REEP1: variants seen among roughly 807,000 people sequenced by gnomAD.
REEP1 encodes the protein receptor accessory protein 1, also known as receptor expression-enhancing protein 1.
A neutral mutation model predicts 40.3 loss-of-function variants in REEP1; 22 were observed. The ratio of observed to expected loss-of-function variants is 0.55; its 90% CI spans 0.39 to 0.78. REEP1 has a LOEUF of 0.78. Among genes scored for constraint, REEP1 ranks in the 30% least tolerant of loss-of-function variants. The probability of loss-of-function intolerance (pLI) is 0.00; values close to 1 mark genes in which losing one functional copy is unlikely to be tolerated. For missense variants in REEP1, 280 were observed against 361.1 expected, an observed-to-expected ratio of 0.78 and a Z score of 1.82; for synonymous variants, 116 against 139.2, an observed-to-expected ratio of 0.83 and a Z score of 1.17.
At chr2:86,218,344 A>G (rs1041520802) in intron 8 of REEP1, among the ~76,000 whole-genome samples, 2 of 152,176 alleles carry the variant, frequency 1.3e-5, no homozygotes, top group African/African-American at 2.4e-5. Flanking sequence ...GGGCAGGCCC[A>G]TGTCGCATTC....
chr2:86,328,106 C>T (rs1393165757), intron 1 of REEP1, among the ~76,000 whole-genome samples: 1 of 152,160 alleles, frequency 6.6e-6, no homozygotes, highest in Non-Finnish European at 1.5e-5. Context: ...CTGGATCCTG[C>T]AACTCCCTCA....
intron 5 of REEP1, chr2:86,251,296 A>T (rs891460974): frequency 6.5e-6 from 1 of 153,764 alleles, no homozygotes; most frequent in Non-Finnish European, 1.4e-5. Context: ...GAAGAAACAC[A>T]GTTTTGAAAA....
chr2:86,266,147 TG>T (rs1574055880), intron 2 of REEP1, among the ~76,000 whole-genome samples: 1 of 152,366 alleles, frequency 6.6e-6, no homozygotes, highest in East Asian at 1.9e-4. Context: ...CAATACGTTT[TG>T]AGTTAACTAG....
intron 5 of REEP1, chr2:86,251,474 G>C (rs148441389): frequency 5.1e-6 from 1 of 197,048 alleles, no homozygotes; most frequent in Non-Finnish European, 1.1e-5. Flanking sequence ...CCCTGGATCT[G>C]CTGGGCCACA....
At chr2:86,304,171 C>A (rs530225508) in intron 1 of REEP1, among the ~76,000 whole-genome samples, 1 of 152,290 alleles carries the variant, frequency 6.6e-6, no homozygotes, top group African/African-American at 2.4e-5. Context: ...AAGAGCCATT[C>A]GCACAGGTGC....
At chr2:86,257,988 AT>A (rs936267284) in intron 3 of REEP1, among the ~76,000 whole-genome samples, 3 of 152,118 alleles carry the variant, frequency 2.0e-5, no homozygotes, top group African/African-American at 7.2e-5. Flanking sequence ...ATGAATGGAT[AT>A]TTACGATGGT....
chr2:86,293,436 A>C (rs1678827096), intron 1 of REEP1, among the ~76,000 whole-genome samples: 1 of 152,222 alleles, frequency 6.6e-6, no homozygotes, highest in African/African-American at 2.4e-5. Context: ...GTGGGGTAGA[A>C]GAAGATGATG....
intron 2 of REEP1, among the ~76,000 whole-genome samples, 167 bp from the exon 3 acceptor site, chr2:86,264,208 C>T (rs1277338004): frequency 6.6e-6 from 1 of 152,190 alleles, no homozygotes; most frequent in African/African-American, 2.4e-5. Flanking sequence ...CAGTTCTGCT[C>T]CAGATCTTGA....
In REEP1 at chr2:86,232,650, A is replaced by G. The variant is rs1454076238; in HGVS notation, c.570T>C (p.Ser190=). ...CTGAGCTGCTAGCGCTCTCAGAAGC[A>G]CTCCTGGACATCTTAGGCTGGCCGT... ...GKHGQPKMSR[S]ASESASSSVC... is the part of the protein sequence containing the mutation. Residue 190 remains serine (S), a synonymous_variant, in exon 6 of 9, where the codon AGT becomes AGC. Transcript: ENST00000538924. 1 of 1,612,774 alleles carries G rather than the reference A, an allele frequency of 6.2e-7. No individual in the cohort carries two copies. The highest frequency in any genetic ancestry group is 8.5e-7 in the Non-Finnish European group (1 of 1,179,936).
At position 86,215,023 on chromosome 2, in the gene REEP1, CTTTTTTTTTT is replaced by C. The variant is rs11350708; in HGVS notation, c.*2006_*2015del. 1.1e-3 allele frequency: 65 copies of C among 59,574 alleles called. No homozygotes were observed. Among genetic ancestry groups the C allele is most frequent in the Non-Finnish European group, 1.8e-3 (63 of 34,824 alleles). 3.7% of individuals were successfully genotyped at this position (59,574 alleles called of 1,614,324 possible). A position where few individuals can be genotyped will look rare whatever the true frequency, so the allele number is the denominator to read the frequency against. On this transcript the variant is annotated 3_prime_UTR_variant, in exon 9 of 9. Transcript: ENST00000538924. ...AAAAATTGCTAAGAAGCTGTGTAAG[CTTTTTTTTTT>C]TTTTTTTTTTTTTGCATTCGTTTCT...
At chr2:86,242,334 T>A (rs1251922930) in intron 5 of REEP1, among the ~76,000 whole-genome samples, 1 of 152,210 alleles carries the variant, frequency 6.6e-6, no homozygotes, top group Non-Finnish European at 1.5e-5. Flanking sequence ...GCTCTGTTGG[T>A]CATGGCAGCT....
At chr2:86,304,603 GCAAA>G (rs980872505) in intron 1 of REEP1, among the ~76,000 whole-genome samples, 4 of 152,312 alleles carry the variant, frequency 2.6e-5, no homozygotes, top group South Asian at 2.1e-4. Flanking sequence ...AAGAAGTTAA[GCAAA>G]CAAAGACCAT....
chr2:86,232,630 C>T lies in REEP1; in HGVS notation c.590G>A (p.Ser197Asn). Reference sequence around the variant, plus strand: ...GGAAGTAAAGTGACACCTACCTGAGCTGCTAGCGCTCTCAGAAGCACTCCT... The same window carrying T: ...GGAAGTAAAGTGACACCTACCTGAGTTGCTAGCGCTCTCAGAAGCACTCCT... ...MSRSASESAS[S>N]SVCTCCSTCR... The change falls in exon 6 of 9, where the codon AGC becomes AAC. Residue 197 changes from serine (S) to asparagine (N), a missense_variant. Around this residue, in one of 3 missense-constraint regions of REEP1, gnomAD observed 201 missense variants for 238.5 expected, o/e 0.84. Transcript: ENST00000538924. 1.2e-6 allele frequency: 2 copies of T among 1,612,818 alleles called. No homozygotes were observed. The highest frequency in any genetic ancestry group is 1.7e-6 in the Non-Finnish European group (2 of 1,179,982).
At chr2:86,334,401 G>A (rs1394810952) in intron 1 of REEP1, among the ~76,000 whole-genome samples, 14 of 152,006 alleles carry the variant, frequency 9.2e-5, no homozygotes, top group Admixed American at 2.6e-4. Context: ...CGTGACTCGC[G>A]GATAAAACCA....
At chr2:86,337,806 C>G (rs902814207), upstream of REEP1, among the ~76,000 whole-genome samples, 1 of 151,724 alleles carries the variant, frequency 6.6e-6, no homozygotes, top group African/African-American at 2.4e-5. This position sits in a 1 kb window ranked among gnomAD's most constrained non-coding sequence, Gnocchi z 5.8. Flanking sequence ...CGGCTGAAGG[C>G]GGGCGCGTCC....
At chr2:86,303,809 A>G (rs966278730) in intron 1 of REEP1, among the ~76,000 whole-genome samples, 1 of 152,220 alleles carries the variant, frequency 6.6e-6, no homozygotes, top group Non-Finnish European at 1.5e-5. Context: ...AATAAACCCC[A>G]GAAACATGAG....
At chr2:86,229,099 A>G (rs1178155545) in intron 6 of REEP1, among the ~76,000 whole-genome samples, 1 of 152,158 alleles carries the variant, frequency 6.6e-6, no homozygotes, top group Non-Finnish European at 1.5e-5. Flanking sequence ...CCACCTGTCC[A>G]GGGTTTGCAA....
At chr2:86,240,426 T>G (rs538116845) in intron 5 of REEP1, among the ~76,000 whole-genome samples, 8 of 152,126 alleles carry the variant, frequency 5.3e-5, no homozygotes, top group Non-Finnish European at 1.0e-4. Context: ...AGAGGCCTCA[T>G]CCTCTCACAC....
At chr2:86,324,718 A>G (rs1391931610) in intron 1 of REEP1, among the ~76,000 whole-genome samples, 1 of 152,042 alleles carries the variant, frequency 6.6e-6, no homozygotes. Flanking sequence ...TTTCTATGGA[A>G]ACTTAATTTA....
Sources: allele counts gnomAD v4.1 joint callset (sites outside exome capture counted in the v4.1 genomes callset), GRCh38; gene constraint gnomAD v4.1.1; regional missense constraint gnomAD v4.1.1; non-coding constraint Gnocchi (gnomAD v3.1); transcripts MANE v1.5; gene names NCBI Gene and HGNC (gene_info 2026-07-23, HGNC 2026-07-21).